Variants in VWA5B1 observed in about 807,000 individuals in gnomAD.
The protein encoded by VWA5B1 is von Willebrand factor A domain-containing protein 5B1.
In VWA5B1, 115 loss-of-function variants were observed where a neutral mutation model predicts 118.2. The observed-to-expected ratio is 0.97, with a 90% CI of 0.84 to 1.14. VWA5B1 has a LOEUF of 1.14. VWA5B1 is among the 50% of genes most tolerant of loss of function. The probability of loss-of-function intolerance (pLI) is 0.00; values close to 1 mark genes in which losing one functional copy is unlikely to be tolerated. For synonymous variants in VWA5B1, 682 were observed against 658.4 expected (o/e 1.04, Z -0.55); for missense variants, 1,596 against 1,603.8 (o/e 1.00, Z 0.08).
At chr1:20,309,259 T>A (rs1205852123) in intron 1 of VWA5B1, among the ~76,000 whole-genome samples, 1 of 152,140 alleles carries the variant, frequency 6.6e-6, no homozygotes. Context: ...TATGCTCAAA[T>A]GGGAAACAGA....
At chr1:20,313,024 T>G in intron 3 of VWA5B1, 36 bp downstream of exon 3, 1 of 1,542,952 alleles carries the variant, frequency 6.5e-7, no homozygotes. Flanking sequence ...GGGACCTGGG[T>G]TTGGCCAGCC....
At chr1:20,329,299 T>C (rs1169909445) in intron 9 of VWA5B1, among the ~76,000 whole-genome samples, 6 of 100,642 alleles carry the variant, frequency 6.0e-5, no homozygotes, top group African/African-American at 2.0e-4. Context: ...TTTTTTTTTT[T>C]TTTTTTTTTT....
intron 8 of VWA5B1, 110 bp from the exon 9 acceptor site, chr1:20,327,780 A>G: frequency 1.1e-6 from 1 of 919,464 alleles, no homozygotes; most frequent in Non-Finnish European, 1.7e-6. Context: ...GAGGAGGGTA[A>G]AGGTCTGTTT....
At chr1:20,323,886 C>G (rs1191554113) in intron 8 of VWA5B1, among the ~76,000 whole-genome samples, 1 of 152,234 alleles carries the variant, frequency 6.6e-6, no homozygotes, top group Non-Finnish European at 1.5e-5. Flanking sequence ...GTGCTAGCCA[C>G]TTAACGTGAA....
intron 14 of VWA5B1, among the ~76,000 whole-genome samples, chr1:20,340,145 T>A (rs1332202637): frequency 6.6e-6 from 1 of 151,650 alleles, no homozygotes; most frequent in Non-Finnish European, 1.5e-5. Context: ...CCTGGCTTCT[T>A]CCCCAACCTG....
chr1:20,342,739 C>G, intron 15 of VWA5B1, 130 bp downstream of exon 15: 1 of 1,212,612 alleles, frequency 8.2e-7, no homozygotes, highest in Non-Finnish European at 1.1e-6. Context: ...GCGGCTCACC[C>G]CTCTCTGAGG....
At chr1:20,352,298 T>A in intron 21 of VWA5B1, 126 bp downstream of exon 21, 1 of 741,826 alleles carries the variant, frequency 1.3e-6, no homozygotes, top group East Asian at 2.9e-5. Flanking sequence ...AGAGCTCAGA[T>A]CCCCTGAGTT....
intron 1 of VWA5B1, among the ~76,000 whole-genome samples, chr1:20,308,257 G>GA (rs2088726476): frequency 6.6e-6 from 1 of 152,100 alleles, no homozygotes; most frequent in Admixed American, 6.5e-5. Context: ...AATGCTGAGG[G>GA]AGTCTGCCGT....
Position 20,343,022 on chromosome 1 carries a change from G to T in VWA5B1, c.2312-57G>T, listed in dbSNP as rs2089916021. The T allele has an allele frequency of 2.0e-6, 3 of 1,465,596 alleles. No homozygotes were observed. The East Asian group carries it at 7.5e-5, about 37-fold the overall frequency. 90.8% of individuals were successfully genotyped at this position (1,465,596 alleles called of 1,614,324 possible). The stretch of plus-strand genomic sequence containing the variant: ...CCTGGGGAGGAATGATGTCCCCTGG[G>T]AGTTGGCCGTCTGTCCCCCAGGTCA... On this transcript the variant is annotated intron_variant, in intron 15 of 21. Coordinates refer to ENST00000289815, the MANE Select transcript of VWA5B1 (RefSeq NM_001039500.3).
intron 1 of VWA5B1, among the ~76,000 whole-genome samples, chr1:20,305,357 T>C (rs2088619173): frequency 1.3e-5 from 2 of 152,052 alleles, no homozygotes; most frequent in South Asian, 2.1e-4. Context: ...TGATGCACTG[T>C]TCCCAAGCAT....
chr1:20,327,948 G>T lies in VWA5B1; in HGVS notation c.1202G>T (p.Gly401Val). The T allele has an allele frequency of 1.9e-6, 3 of 1,551,568 alleles. No individual in the cohort carries two copies. The highest frequency in any genetic ancestry group is 2.6e-6 in the Non-Finnish European group (3 of 1,147,004). Residue 401 changes from glycine to valine, a missense_variant, in exon 9 of 22, where the codon GGG becomes GTG. By Grantham distance (109) the Gly-to-Val change is moderately radical. Coordinates refer to ENST00000289815, the MANE Select transcript of VWA5B1 (RefSeq NM_001039500.3). Reference protein sequence around the residue: ...LMPACLFNIIGFGSTFKSLFP... With the variant: ...LMPACLFNIIVFGSTFKSLFP... ...CCAGCCTGCCTCTTCAATATCATTG[G>T]GTTTGGATCCACATTTAAGAGCCTT...
chr1:20,352,293 T>G, intron 21 of VWA5B1, 121 bp downstream of exon 21: 1 of 760,240 alleles, frequency 1.3e-6, no homozygotes, highest in South Asian at 2.0e-5. Flanking sequence ...GTCTTAGAGC[T>G]CAGATCCCCT....
chr1:20,334,074 G>A (rs548437423), intron 12 of VWA5B1, among the ~76,000 whole-genome samples: 1 of 152,336 alleles, frequency 6.6e-6, no homozygotes, highest in East Asian at 1.9e-4. Context: ...CAGCCCCTAC[G>A]CAGCCCTAAC....
At chr1:20,324,034 G>A (rs549860296) in intron 8 of VWA5B1, among the ~76,000 whole-genome samples, 2 of 152,324 alleles carry the variant, frequency 1.3e-5, no homozygotes, top group African/African-American at 4.8e-5. Context: ...TTAAATCCAT[G>A]TCTCCCTGAC....
At chr1:20,297,475 G>T (rs568124934) in intron 1 of VWA5B1, among the ~76,000 whole-genome samples, 1 of 152,346 alleles carries the variant, frequency 6.6e-6, no homozygotes, top group Admixed American at 6.5e-5. Flanking sequence ...GGCCTTCAAG[G>T]AAGCTGGGAG....
At chr1:20,333,322 A>G (rs112892703) in intron 12 of VWA5B1, among the ~76,000 whole-genome samples, 3 of 152,330 alleles carry the variant, frequency 2.0e-5, no homozygotes, top group African/African-American at 7.2e-5. Context: ...TAAAAATATA[A>G]CAAAATTAGC....
chr1:20,318,242 GC>G (rs2089086767), intron 5 of VWA5B1, among the ~76,000 whole-genome samples: 3 of 151,668 alleles, frequency 2.0e-5, no homozygotes, highest in South Asian at 4.2e-4. Flanking sequence ...AGTGTGAGGT[GC>G]GTTTATGGAG....
intron 15 of VWA5B1, 29 bp from the exon 16 acceptor site, chr1:20,343,050 G>C: frequency 6.7e-7 from 1 of 1,487,118 alleles, no homozygotes; most frequent in Non-Finnish European, 9.0e-7. Context: ...CCAGGTCAGC[G>C]CTTGGCCCAC....
At position 20,319,459 on chromosome 1, in the gene VWA5B1, A is replaced by G; in HGVS notation, c.919A>G (p.Thr307Ala). 1.3e-6 allele frequency: 2 copies of G among 1,551,834 alleles called. No homozygotes were observed. The highest frequency in any genetic ancestry group is 8.7e-7 in the Non-Finnish European group (1 of 1,147,024). ...GEFDQHLKGR[T>A]DFIKGMKKKS... Reference sequence around the variant, plus strand: ...GTTTGACCAGCACTTGAAGGGAAGAACAGATTTCATTAAAGGGATGAAGAA... The same window carrying G: ...GTTTGACCAGCACTTGAAGGGAAGAGCAGATTTCATTAAAGGGATGAAGAA... The change falls in exon 7 of 22, where the codon ACA becomes GCA. Residue 307 changes from threonine to alanine, a missense_variant. Thr to Ala is a moderately conservative substitution (Grantham distance 58). Transcript: ENST00000289815.
Sources: allele counts gnomAD v4.1 joint callset (sites outside exome capture counted in the v4.1 genomes callset), GRCh38; gene constraint gnomAD v4.1.1; transcripts MANE v1.5; gene names NCBI Gene and HGNC (gene_info 2026-07-23, HGNC 2026-07-21).